Variants in MYO18B observed in about 807,000 individuals in gnomAD.
MYO18B encodes the protein myosin XVIIIB.
A neutral mutation model predicts 273.0 loss-of-function variants in MYO18B; 204 were observed. The ratio of observed to expected loss-of-function variants is 0.75; its 90% CI spans 0.67 to 0.84. The LOEUF (loss-of-function observed/expected upper bound fraction) is 0.84. Ranked by LOEUF, MYO18B falls within the 40% of genes least tolerant of loss-of-function variation. The probability of loss-of-function intolerance (pLI) is 0.00; values close to 1 mark genes in which losing one functional copy is unlikely to be tolerated. For synonymous variants in MYO18B, 1,330 were observed against 1,305.7 expected, an observed-to-expected ratio of 1.02 and a Z score of -0.40; for missense variants, 3,212 against 3,287.6, an observed-to-expected ratio of 0.98 and a Z score of 0.56.
intron 31 of MYO18B, among the ~76,000 whole-genome samples, chr22:25,906,705 C>T (rs535121125): frequency 3.1e-4 from 47 of 152,170 alleles, no homozygotes; most frequent in African/African-American, 1.1e-3. Context: ...ACTCACAGTT[C>T]CACATGGCTG....
At chr22:25,778,317 C>T (rs1308799345) in intron 8 of MYO18B, among the ~76,000 whole-genome samples, 3 of 151,976 alleles carry the variant, frequency 2.0e-5, no homozygotes, top group Non-Finnish European at 2.9e-5. Flanking sequence ...ACTCAGGGAG[C>T]GCAGAGGAGG....
intron 39 of MYO18B, 42 bp from the exon 40 acceptor site, chr22:25,992,321 T>A: frequency 6.2e-7 from 1 of 1,609,344 alleles, no homozygotes; most frequent in Non-Finnish European, 8.5e-7. Context: ...GTGGTGCATT[T>A]CTTGCCCAAG....
intron 1 of MYO18B, among the ~76,000 whole-genome samples, chr22:25,752,798 G>A (rs1284122404): frequency 1.3e-5 from 2 of 152,256 alleles, no homozygotes; most frequent in Non-Finnish European, 2.9e-5. Flanking sequence ...CGAGGCCGGA[G>A]CCGGCTCCCT....
chr22:25,920,839 C>T (rs1463734647), intron 33 of MYO18B, among the ~76,000 whole-genome samples: 1 of 152,222 alleles, frequency 6.6e-6, no homozygotes, highest in Non-Finnish European at 1.5e-5. Context: ...ACTGTCCTAA[C>T]TGCTGTCAGC....
At chr22:25,977,810 T>C (rs1249994268) in intron 39 of MYO18B, among the ~76,000 whole-genome samples, 1 of 152,220 alleles carries the variant, frequency 6.6e-6, no homozygotes, top group African/African-American at 2.4e-5. Flanking sequence ...CTCTCATCAG[T>C]GACTCTTCAG....
intron 33 of MYO18B, among the ~76,000 whole-genome samples, chr22:25,915,626 AAAG>A (rs1372625247): frequency 6.6e-6 from 1 of 152,170 alleles, no homozygotes. Context: ...TATCTTAAAA[AAAG>A]ATGTTTTATT....
At chr22:25,803,146 G>A (rs1424346661) in intron 12 of MYO18B, among the ~76,000 whole-genome samples, 1 of 151,466 alleles carries the variant, frequency 6.6e-6, no homozygotes, top group Non-Finnish European at 1.5e-5. Context: ...TGTATTTTTA[G>A]TAGAGACGGG....
chr22:25,745,862 C>A (rs529695644), intron 1 of MYO18B, among the ~76,000 whole-genome samples: 1 of 152,140 alleles, frequency 6.6e-6, no homozygotes, highest in African/African-American at 2.4e-5. Flanking sequence ...TGGAGGGCAG[C>A]TGGATTAACT....
chr22:25,755,953 A>G (rs2086106244), intron 1 of MYO18B, among the ~76,000 whole-genome samples: 1 of 149,580 alleles, frequency 6.7e-6, no homozygotes, highest in Non-Finnish European at 1.5e-5. Context: ...GCTGGAGTGC[A>G]GTGGCACGAT....
chr22:25,747,534 G>A (rs1568960989), intron 1 of MYO18B, among the ~76,000 whole-genome samples: 1 of 152,214 alleles, frequency 6.6e-6, no homozygotes, highest in Non-Finnish European at 1.5e-5. Context: ...TCACCGGGTG[G>A]CCAGGAGTGT....
At chr22:26,034,918 G>A (rs1432142470), downstream of MYO18B, among the ~76,000 whole-genome samples, 1 of 152,242 alleles carries the variant, frequency 6.6e-6, no homozygotes, top group Non-Finnish European at 1.5e-5. Flanking sequence ...CACGGTTGCA[G>A]GCACTGTAGA....
chr22:25,923,978 G>C (rs2092385325), intron 34 of MYO18B, among the ~76,000 whole-genome samples: 1 of 152,128 alleles, frequency 6.6e-6, no homozygotes, highest in African/African-American at 2.4e-5. Context: ...CTGAATCAAA[G>C]AGCCTCATTC....
At chr22:25,921,703 TGTGTGTGTGTGTGTG>T (rs923516654) in intron 34 of MYO18B, among the ~76,000 whole-genome samples, 6 of 6,234 alleles carry the variant, frequency 9.6e-4, no homozygotes, top group African/African-American at 4.4e-3. Flanking sequence ...GTGTGCCTGT[TGTGTGTGTGTGTGTG>T]TGTGTGTGTG....
intron 32 of MYO18B, among the ~76,000 whole-genome samples, chr22:25,910,380 A>G (rs1026386397): frequency 2.0e-5 from 3 of 152,122 alleles, no homozygotes; most frequent in Non-Finnish European, 2.9e-5. Context: ...TCACCCCACC[A>G]TGAAAGCTCT....
chr22:25,947,989 T>G (rs1394142999), intron 36 of MYO18B, among the ~76,000 whole-genome samples, 161 bp downstream of exon 36: 1 of 152,204 alleles, frequency 6.6e-6, no homozygotes, highest in African/African-American at 2.4e-5. Context: ...GTGGTCCTAA[T>G]GGAGGACAAT....
intron 38 of MYO18B, among the ~76,000 whole-genome samples, chr22:25,953,131 T>C (rs9620574): frequency 0.034 from 5,182 of 152,294 alleles, 276 homozygotes; most frequent in African/African-American, 0.11. Flanking sequence ...AGTGATTACA[T>C]TCACATTGCC....
chr22:26,013,667 C>T (rs1202336393), intron 42 of MYO18B, among the ~76,000 whole-genome samples: 1 of 152,156 alleles, frequency 6.6e-6, no homozygotes, highest in African/African-American at 2.4e-5. Context: ...GCTCTAAATC[C>T]TTGCCAACGC....
In MYO18B at chr22:25,959,839, T is replaced by C. The variant is rs574083572; in HGVS notation, c.6156+4475T>C. Among the ~76,000 whole-genome samples the C allele has an allele frequency of 2.0e-3, 304 of 152,266 alleles. 1 individual carries two copies. The highest frequency in any genetic ancestry group is 6.1e-3 in the African/African-American group (253 of 41,552). ...GATTGGTGTCCCACGTGTCCAATGC[T>C]AAAGCTCTCACCAGGTCACCCTGCT... On this transcript the variant is annotated intron_variant, in intron 39 of 43. Coordinates refer to ENST00000335473, the MANE Select transcript of MYO18B (RefSeq NM_032608.7).
rs147974474 is a variant in MYO18B, at chr22:25,937,245, C to T, written c.5518-8892C>T. Reference sequence around the variant, plus strand: ...ATTAATGGGTGTGCACCACCATGCCCGGCTAACTTTTGTATTTTTTGTAGA... The same window carrying T: ...ATTAATGGGTGTGCACCACCATGCCTGGCTAACTTTTGTATTTTTTGTAGA... On this transcript the variant is annotated intron_variant, in intron 34 of 43. Coordinates refer to ENST00000335473, the MANE Select transcript of MYO18B (RefSeq NM_032608.7). Among the ~76,000 whole-genome samples, 22 of 151,832 alleles carry T rather than the reference C, an allele frequency of 1.4e-4. No individual in the cohort carries two copies. In the East Asian group the frequency reaches 3.5e-3, roughly 24 times the overall value.
Sources: gnomAD v4.1 joint callset for allele counts (sites outside exome capture counted in the v4.1 genomes callset) on GRCh38, gnomAD v4.1.1 for gene constraint, MANE v1.5 for transcripts, NCBI Gene and HGNC (gene_info 2026-07-23, HGNC 2026-07-21) for gene names.